Variants in MLLT10 observed in about 807,000 individuals in gnomAD.
MLLT10 encodes MLLT10 histone lysine methyltransferase DOT1L cofactor.
Under a neutral mutation model 129.1 loss-of-function variants are expected in MLLT10, and 30 were observed. The observed-to-expected ratio is 0.23, with a 90% CI of 0.17 to 0.32. MLLT10 has a LOEUF of 0.32. Ranked by LOEUF, MLLT10 falls within the 10% of genes least tolerant of loss-of-function variation. The pLI, the probability that MLLT10 is intolerant of heterozygous loss-of-function variation, is 1.00. For missense variants in MLLT10, 1,119 were observed against 1,268.3 expected, an observed-to-expected ratio of 0.88 and a Z score of 1.79; for synonymous variants, 490 against 446.4, an observed-to-expected ratio of 1.10 and a Z score of -1.23.
chr10:21,732,909 G>A lies in MLLT10; in HGVS notation c.2229G>A (p.Met743Ile). The change falls in exon 18 of 23, where the codon ATG (methionine) becomes ATA (isoleucine). Residue 743 changes from methionine (M) to isoleucine (I), a missense_variant. Coordinates refer to ENST00000307729, the MANE Select transcript of MLLT10 (RefSeq NM_001195626.3). ...EQGTPSDILG[M>I]LKSLHQLQVE... The stretch of plus-strand genomic sequence containing the variant: ...CCAAATGTGTGGTAGTTTTAGGAAT[G>A]CTGAAGTCATTACACCAACTTCAAG... The A allele has an allele frequency of 6.2e-7, 1 of 1,613,540 alleles. No individual in the cohort carries two copies. The highest frequency in any genetic ancestry group is 8.5e-7 in the Non-Finnish European group (1 of 1,179,760).
At chr10:21,623,892 T>A (rs2046155873) in intron 8 of MLLT10, among the ~76,000 whole-genome samples, 1 of 152,140 alleles carries the variant, frequency 6.6e-6, no homozygotes, top group Non-Finnish European at 1.5e-5. Flanking sequence ...TAGAAGAAAA[T>A]GGAGTTATGT....
At chr10:21,699,816 C>T (rs905648511) in intron 13 of MLLT10, among the ~76,000 whole-genome samples, 2 of 152,142 alleles carry the variant, frequency 1.3e-5, no homozygotes, top group African/African-American at 4.8e-5. Context: ...AGCATGATGA[C>T]TCCAGCTTTG....
chr10:21,607,948 A>G (rs1589207889), intron 5 of MLLT10, among the ~76,000 whole-genome samples: 1 of 149,822 alleles, frequency 6.7e-6, no homozygotes, highest in Non-Finnish European at 1.5e-5. Flanking sequence ...AAATGTTTAT[A>G]TTTTGCCTTT....
At chr10:21,558,036 G>C (rs2038290204) in intron 3 of MLLT10, among the ~76,000 whole-genome samples, 1 of 136,142 alleles carries the variant, frequency 7.3e-6, no homozygotes, top group African/African-American at 2.8e-5. Context: ...TGCAACCCCT[G>C]CCTCCCGGGT....
chr10:21,534,813 C>G lies in MLLT10; in HGVS notation c.160+9C>G. 1 of 1,583,756 alleles carries G rather than the reference C, an allele frequency of 6.3e-7. No individual in the cohort carries two copies. Among genetic ancestry groups the G allele is most frequent in the Non-Finnish European group, 8.6e-7 (1 of 1,165,070 alleles). On this transcript the variant is annotated intron_variant, in intron 2 of 22. Coordinates refer to ENST00000307729, the MANE Select transcript of MLLT10 (RefSeq NM_001195626.3). ...CGTCGCGGTGCATCAAGGTAAACAC[C>G]CAACCGCCCGCCGGGGCGCGCCGGC...
At chr10:21,735,551 T>C (rs2058295028) in intron 21 of MLLT10, among the ~76,000 whole-genome samples, 1 of 152,048 alleles carries the variant, frequency 6.6e-6, no homozygotes, top group African/African-American at 2.4e-5. Context: ...TTGGTTGTGA[T>C]AAATACTGAG....
intron 8 of MLLT10, among the ~76,000 whole-genome samples, chr10:21,633,143 G>A (rs1463043064): frequency 6.6e-6 from 1 of 152,128 alleles, no homozygotes. Flanking sequence ...ATTATGTTGT[G>A]TCTCAGTTTC....
intron 5 of MLLT10, among the ~76,000 whole-genome samples, chr10:21,602,239 GT>G (rs1209929626): frequency 3.3e-5 from 5 of 152,200 alleles, no homozygotes; most frequent in African/African-American, 1.2e-4. Context: ...ACAAGTTGCA[GT>G]TTTGATCAGG....
At chr10:21,668,151 T>C (rs2051016520) in intron 9 of MLLT10, among the ~76,000 whole-genome samples, 1 of 152,126 alleles carries the variant, frequency 6.6e-6, no homozygotes, top group South Asian at 2.1e-4. Context: ...ACATTAAAAA[T>C]AAGTATTATT....
intron 5 of MLLT10, among the ~76,000 whole-genome samples, chr10:21,599,259 T>C (rs571064328): frequency 6.6e-6 from 1 of 151,762 alleles, no homozygotes; most frequent in Non-Finnish European, 1.5e-5. Flanking sequence ...GGAGAATTGC[T>C]TGAACCTGGG....
At chr10:21,546,273 T>G (rs1358987941) in intron 3 of MLLT10, among the ~76,000 whole-genome samples, 1 of 152,112 alleles carries the variant, frequency 6.6e-6, no homozygotes, top group Admixed American at 6.5e-5. Flanking sequence ...AAACTGGGTT[T>G]CACAATGTTG....
At chr10:21,618,315 G>A (rs1193222863) in intron 8 of MLLT10, among the ~76,000 whole-genome samples, 4 of 151,754 alleles carry the variant, frequency 2.6e-5, no homozygotes, top group Admixed American at 2.6e-4. Context: ...GGCCAACATG[G>A]TGAAACTGTG....
chr10:21,740,314 GTT>G (rs2058721877), intron 22 of MLLT10, 78 bp downstream of exon 22: 3 of 1,494,032 alleles, frequency 2.0e-6, no homozygotes, highest in Non-Finnish European at 2.7e-6. Context: ...TTCCAGCCTG[GTT>G]TTGTTCCCCT....
intron 2 of MLLT10, among the ~76,000 whole-genome samples, chr10:21,535,051 C>G (rs2033620685): frequency 7.2e-6 from 1 of 138,520 alleles, no homozygotes; most frequent in African/African-American, 2.7e-5. Flanking sequence ...CGCCTGGGGC[C>G]GGGGTCTGCT....
At chr10:21,562,716 A>G (rs2038983915) in intron 3 of MLLT10, among the ~76,000 whole-genome samples, 3 of 142,102 alleles carry the variant, frequency 2.1e-5, no homozygotes, top group Admixed American at 1.4e-4. Flanking sequence ...CTTTCCATTT[A>G]TTTATATTGT....
At chr10:21,570,722 T>C (rs779428138) in intron 3 of MLLT10, among the ~76,000 whole-genome samples, 8 of 152,232 alleles carry the variant, frequency 5.3e-5, no homozygotes, top group Middle Eastern at 3.4e-3. Flanking sequence ...TTTTACTTAA[T>C]ATATTTGTTT....
intron 13 of MLLT10, chr10:21,688,454 A>G: frequency 6.3e-7 from 1 of 1,576,574 alleles, no homozygotes; most frequent in Non-Finnish European, 8.7e-7. Context: ...GGAAGTGGTG[A>G]TTAAAAATCT....
intron 4 of MLLT10, among the ~76,000 whole-genome samples, chr10:21,589,018 C>T (rs2042258189): frequency 6.6e-6 from 1 of 151,748 alleles, no homozygotes; most frequent in African/African-American, 2.4e-5. Context: ...GAGATGGGAT[C>T]CACCCACCTT....
chr10:21,699,599 C>A (rs1193777766), intron 13 of MLLT10, among the ~76,000 whole-genome samples: 1 of 151,750 alleles, frequency 6.6e-6, no homozygotes, highest in African/African-American at 2.4e-5. Context: ...ATACAGATAT[C>A]CAATTTTCCC....
Sources: allele counts gnomAD v4.1 joint callset (sites outside exome capture counted in the v4.1 genomes callset), GRCh38; gene constraint gnomAD v4.1.1; transcripts MANE v1.5; gene names NCBI Gene and HGNC (gene_info 2026-07-23, HGNC 2026-07-21).